The following SCMH1 variants were observed in gnomAD, a reference collection of about 807,000 sequenced individuals.
SCMH1 encodes polycomb protein SCMH1.
Under a neutral mutation model 70.8 loss-of-function variants are expected in SCMH1, and 37 were observed. The ratio of observed to expected loss-of-function variants is 0.52; its 90% CI spans 0.40 to 0.69. The LOEUF is 0.69. SCMH1 is among the 30% of genes least tolerant of loss of function. The probability of loss-of-function intolerance (pLI) is 0.00; values close to 1 mark genes in which losing one functional copy is unlikely to be tolerated. For synonymous variants in SCMH1, 292 were observed against 307.4 expected (o/e 0.95, Z 0.52); for missense variants, 607 against 827.3 (o/e 0.73, Z 3.27).
chr1:41,146,553 T>G (rs1428800833), intron 5 of SCMH1, among the ~76,000 whole-genome samples: 1 of 152,100 alleles, frequency 6.6e-6, no homozygotes, highest in Non-Finnish European at 1.5e-5. Flanking sequence ...ATATTTTTTT[T>G]TTTACTGTAC....
intron 8 of SCMH1, among the ~76,000 whole-genome samples, chr1:41,101,942 T>C (rs1446488886): frequency 6.6e-6 from 1 of 152,186 alleles, no homozygotes; most frequent in Non-Finnish European, 1.5e-5. Context: ...AATAAAACAC[T>C]AGTGTATACC....
intron 8 of SCMH1, among the ~76,000 whole-genome samples, chr1:41,076,164 C>T (rs1658230193): frequency 6.6e-6 from 1 of 152,092 alleles, no homozygotes; most frequent in Admixed American, 6.6e-5. Context: ...GTTCTAGTAG[C>T]CCTTATATGT....
rs112888407 is a variant in SCMH1, at chr1:41,185,590, G to C, written c.13+531C>G. On this transcript the variant is annotated intron_variant, in intron 2 of 14. Transcript: ENST00000337495. ...CAGTGGACAAATTCATTAAATAATA[G>C]TTTCCTTTCTCAATAATTATTTCTC... Among the ~76,000 whole-genome samples, 186 of 151,236 alleles carry C rather than the reference G, an allele frequency of 1.2e-3. 2 individuals are homozygous for C. Among genetic ancestry groups the C allele is most frequent in the Middle Eastern group, 0.01 (3 of 292 alleles).
chr1:41,211,958 C>A (rs1200390514), intron 1 of SCMH1, among the ~76,000 whole-genome samples: 1 of 152,074 alleles, frequency 6.6e-6, no homozygotes, highest in African/African-American at 2.4e-5. Context: ...TAGGTGGGAA[C>A]TGAACAATGA....
chr1:41,042,605 G>A (rs191280339), intron 12 of SCMH1, among the ~76,000 whole-genome samples: 6 of 151,802 alleles, frequency 4.0e-5, no homozygotes, highest in Non-Finnish European at 8.8e-5. Context: ...TAGTTCTGAA[G>A]AAGAGACTCT....
intron 1 of SCMH1, among the ~76,000 whole-genome samples, chr1:41,241,343 GGC>G (rs992711971): frequency 7.2e-5 from 11 of 152,244 alleles, no homozygotes; most frequent in African/African-American, 2.7e-4. Context: ...CCACGTGTCT[GGC>G]CCCCAGGGCC....
intron 13 of SCMH1, among the ~76,000 whole-genome samples, chr1:41,030,075 G>A (rs1273787295): frequency 1.3e-5 from 2 of 152,110 alleles, no homozygotes; most frequent in East Asian, 1.9e-4. Flanking sequence ...AAATTAGCTG[G>A]TATGGTGGCA....
chr1:41,066,331 G>T (rs1654584705), intron 10 of SCMH1, among the ~76,000 whole-genome samples: 1 of 152,100 alleles, frequency 6.6e-6, no homozygotes, highest in Non-Finnish European at 1.5e-5. Flanking sequence ...GTGGGGATGT[G>T]GGCTGCTAGA....
chr1:41,174,979 T>C (rs1647015896), intron 2 of SCMH1, among the ~76,000 whole-genome samples: 1 of 152,198 alleles, frequency 6.6e-6, no homozygotes, highest in African/African-American at 2.4e-5. Context: ...ACTGTCTTCA[T>C]TTGGAGATCA....
At chr1:41,171,380 T>C (rs1301546816) in intron 2 of SCMH1, among the ~76,000 whole-genome samples, 1 of 152,212 alleles carries the variant, frequency 6.6e-6, no homozygotes, top group African/African-American at 2.4e-5. Flanking sequence ...CAGACAGCAC[T>C]GCTTCTGACC....
At chr1:41,027,751 T>A (rs528411480) in exon 15 of SCMH1, 1 of 157,192 alleles carries the variant, frequency 6.4e-6, no homozygotes, top group Non-Finnish European at 1.4e-5. Context: ...AACAATAAGA[T>A]CTTTTTGTAA....
chr1:41,159,102 T>C (rs1253560635), intron 4 of SCMH1, among the ~76,000 whole-genome samples: 3 of 152,218 alleles, frequency 2.0e-5, no homozygotes, highest in African/African-American at 7.2e-5. Flanking sequence ...TATTTTATGG[T>C]CTTTTCCAAC....
intron 10 of SCMH1, among the ~76,000 whole-genome samples, chr1:41,057,996 C>T (rs961551859): frequency 6.6e-6 from 1 of 151,610 alleles, no homozygotes; most frequent in Non-Finnish European, 1.5e-5. Context: ...GTGGCGTGCG[C>T]CTGTAGTCCC....
At chr1:41,127,165 T>TG (rs1342396442) in intron 6 of SCMH1, among the ~76,000 whole-genome samples, 1 of 152,204 alleles carries the variant, frequency 6.6e-6, no homozygotes, top group Non-Finnish European at 1.5e-5. Context: ...TTCTGTCAAC[T>TG]GTTCATGCCT....
intron 5 of SCMH1, 107 bp downstream of exon 5, chr1:41,151,507 G>A (rs998061562): frequency 4.1e-6 from 3 of 732,814 alleles, no homozygotes; most frequent in Non-Finnish European, 6.6e-6. Context: ...TTATTCTGGG[G>A]CCCTCAGGTA....
intron 1 of SCMH1, among the ~76,000 whole-genome samples, chr1:41,214,098 A>T (rs1327006615): frequency 2.0e-5 from 3 of 152,144 alleles, no homozygotes; most frequent in Non-Finnish European, 2.9e-5. Context: ...ACATGTGCAC[A>T]TGCATGCACA....
At chr1:41,206,931 C>T (rs111832244) in intron 1 of SCMH1, among the ~76,000 whole-genome samples, 15 of 152,230 alleles carry the variant, frequency 9.9e-5, no homozygotes, top group South Asian at 2.1e-4. Context: ...TTTCATATCC[C>T]GCCAAACTAA....
chr1:41,113,654 C>A lies in SCMH1; in HGVS notation c.502-128G>T. The A allele has an allele frequency of 2.5e-6, 2 of 812,284 alleles. No homozygotes were observed. Among genetic ancestry groups the A allele is most frequent in the Non-Finnish European group, 3.4e-6 (2 of 589,598 alleles). 50.3% of individuals were successfully genotyped at this position (812,284 alleles called of 1,614,324 possible). A position where few individuals can be genotyped will look rare whatever the true frequency, so the allele number is the denominator to read the frequency against. On this transcript the variant is annotated intron_variant, in intron 7 of 14. Coordinates refer to ENST00000337495, the Ensembl canonical transcript of SCMH1. This position sits in a 1 kb window ranked among gnomAD's most constrained non-coding sequence, Gnocchi z 4.3. ...GACTTATAATGGATATATAGCCTTTCTTTTAAATTAATTTTAAATTCAATA... is the reference window on the plus strand; with the variant it reads ...GACTTATAATGGATATATAGCCTTTATTTTAAATTAATTTTAAATTCAATA...
intron 8 of SCMH1, among the ~76,000 whole-genome samples, chr1:41,106,979 C>A (rs982408192): frequency 1.3e-5 from 2 of 151,816 alleles, no homozygotes; most frequent in East Asian, 1.9e-4. Flanking sequence ...TGAGCCACCA[C>A]GCCCGGCCTT....
Sources: gnomAD v4.1 joint callset for allele counts (sites outside exome capture counted in the v4.1 genomes callset) on GRCh38, gnomAD v4.1.1 for gene constraint, Gnocchi (gnomAD v3.1) non-coding constraint, MANE v1.5 for transcripts, NCBI Gene and HGNC (gene_info 2026-07-23, HGNC 2026-07-21) for gene names.